The following SLC5A4 variants were observed in gnomAD, a reference collection of about 807,000 sequenced individuals.
SLC5A4 encodes the protein probable glucose sensor protein SLC5A4.
In SLC5A4, 55 loss-of-function variants were observed where a neutral mutation model predicts 70.3. The ratio of observed to expected loss-of-function variants is 0.78; its 90% CI spans 0.63 to 0.98. The LOEUF is 0.98. Among genes scored for constraint, SLC5A4 ranks in the 50% least tolerant of loss-of-function variants. SLC5A4 has a pLI of 0.00. For missense variants in SLC5A4, 735 were observed against 839.2 expected (o/e 0.88, Z 1.53); for synonymous variants, 268 against 305.7 (o/e 0.88, Z 1.29).
the SLC5A4 span, among the ~76,000 whole-genome samples, chr22:32,353,059 G>A: frequency 1.3e-5 from 2 of 152,214 alleles, no homozygotes; most frequent in African/African-American, 4.8e-5. Context: ...CCTCACCTTG[G>A]CATGCTGGCC....
chr22:32,343,285 T>C, the SLC5A4 span, among the ~76,000 whole-genome samples: 12 of 152,308 alleles, frequency 7.9e-5, no homozygotes, highest in African/African-American at 2.6e-4. Flanking sequence ...AGAAATCTGC[T>C]AGATGGGGCC....
chr22:32,333,254 C>A, the SLC5A4 span, among the ~76,000 whole-genome samples: 1 of 147,280 alleles, frequency 6.8e-6, no homozygotes, highest in African/African-American at 2.6e-5. Context: ...TGGAAACAGG[C>A]CACGGGGCTC....
chr22:32,350,617 C>T, the SLC5A4 span, among the ~76,000 whole-genome samples: 2 of 152,000 alleles, frequency 1.3e-5, no homozygotes, highest in Admixed American at 1.3e-4. Flanking sequence ...CAAATTTTTT[C>T]TATATGCTTT....
At chr22:32,329,507 G>A in the SLC5A4 span, among the ~76,000 whole-genome samples, 1 of 147,916 alleles carries the variant, frequency 6.8e-6, no homozygotes, top group Non-Finnish European at 1.5e-5. Flanking sequence ...ACGAGGCAGT[G>A]GGGGTGTGTG....
chr22:32,347,850 TATA>T, the SLC5A4 span, among the ~76,000 whole-genome samples: 69 of 151,324 alleles, frequency 4.6e-4, no homozygotes, highest in East Asian at 3.9e-3. Flanking sequence ...AAACTTAAAG[TATA>T]ATAATAATAA....
upstream of SLC5A4, among the ~76,000 whole-genome samples, chr22:32,258,730 T>C (rs1474318871): frequency 6.6e-6 from 1 of 152,186 alleles, no homozygotes; most frequent in Non-Finnish European, 1.5e-5. Flanking sequence ...TTTCTGGGCA[T>C]GTATCCAAAA....
At chr22:32,344,101 TAAAGA>T in the SLC5A4 span, among the ~76,000 whole-genome samples, 1 of 152,118 alleles carries the variant, frequency 6.6e-6, no homozygotes, top group Non-Finnish European at 1.5e-5. Flanking sequence ...TGTGATAGAT[TAAAGA>T]AAACAGGATG....
the SLC5A4 span, among the ~76,000 whole-genome samples, chr22:32,330,226 T>C: frequency 8.3e-6 from 1 of 120,468 alleles, no homozygotes; most frequent in African/African-American, 3.2e-5. Flanking sequence ...CGGGCTCTGG[T>C]GTATATGTTG....
the SLC5A4 span, among the ~76,000 whole-genome samples, chr22:32,324,265 A>ATG: frequency 2.8e-3 from 305 of 107,112 alleles, 2 homozygotes; most frequent in African/African-American, 8.5e-3. Context: ...ACACACATAT[A>ATG]TGTATATATA....
chr22:32,350,318 G>A, the SLC5A4 span, among the ~76,000 whole-genome samples: 1 of 152,186 alleles, frequency 6.6e-6, no homozygotes, highest in Admixed American at 6.5e-5. Context: ...TACACATACA[G>A]TTAGGCTCCA....
the SLC5A4 span, among the ~76,000 whole-genome samples, chr22:32,281,763 T>G: frequency 6.6e-6 from 1 of 152,202 alleles, no homozygotes; most frequent in African/African-American, 2.4e-5. Context: ...AGTTCTAGTA[T>G]TACAGGTGAG....
the SLC5A4 span, among the ~76,000 whole-genome samples, chr22:32,320,936 T>G: frequency 6.6e-6 from 1 of 152,196 alleles, no homozygotes; most frequent in Non-Finnish European, 1.5e-5. Context: ...GAGCTGGTCT[T>G]CAGGGGCAAC....
chr22:32,328,572 C>A, the SLC5A4 span, among the ~76,000 whole-genome samples: 1 of 152,094 alleles, frequency 6.6e-6, no homozygotes, highest in Non-Finnish European at 1.5e-5. Context: ...CTACCAGCCA[C>A]CTGAGTGAGC....
At chr22:32,267,945 A>C in the SLC5A4 span, among the ~76,000 whole-genome samples, 2 of 152,174 alleles carry the variant, frequency 1.3e-5, no homozygotes, top group Non-Finnish European at 2.9e-5. Flanking sequence ...TAACACAGTG[A>C]AACTCCATCT....
chr22:32,302,516 A>G, the SLC5A4 span, among the ~76,000 whole-genome samples: 1 of 152,074 alleles, frequency 6.6e-6, no homozygotes, highest in African/African-American at 2.4e-5. Flanking sequence ...ACTTACCTCA[A>G]GGGTCTATTT....
chr22:32,243,412 A>C (rs1249270222), intron 5 of SLC5A4, among the ~76,000 whole-genome samples: 1 of 152,230 alleles, frequency 6.6e-6, no homozygotes, highest in Non-Finnish European at 1.5e-5. Flanking sequence ...AAAGATGATT[A>C]AAAAAGGTAT....
At chr22:32,272,546 C>T in the SLC5A4 span, 3 of 657,050 alleles carry the variant, frequency 4.6e-6, no homozygotes, top group Admixed American at 4.8e-5. Flanking sequence ...CATGTGATGC[C>T]AAGACCCTGG....
At chr22:32,310,287 A>G in the SLC5A4 span, among the ~76,000 whole-genome samples, 1 of 152,088 alleles carries the variant, frequency 6.6e-6, no homozygotes, top group Admixed American at 6.5e-5. Flanking sequence ...CAAACTCCTT[A>G]AATACCCATC....
intron 6 of SLC5A4, 90 bp downstream of exon 6, chr22:32,238,895 T>C: frequency 2.3e-6 from 2 of 882,744 alleles, no homozygotes; most frequent in Non-Finnish European, 3.8e-6. Context: ...ACCTCGGCAG[T>C]GACAAGGTTA....
Sources: gnomAD v4.1 joint callset for allele counts (sites outside exome capture counted in the v4.1 genomes callset) on GRCh38, gnomAD v4.1.1 for gene constraint, MANE v1.5 for transcripts, NCBI Gene and HGNC (gene_info 2026-07-23, HGNC 2026-07-21) for gene names.